The following MAML2 variants were observed in gnomAD, a reference collection of about 807,000 sequenced individuals.
MAML2 encodes the protein mastermind like transcriptional coactivator 2, also known as mastermind-like protein 2.
Under a neutral mutation model 96.1 loss-of-function variants are expected in MAML2, and 22 were observed. That is an observed-to-expected ratio of 0.23 (90% CI 0.16 to 0.33). The LOEUF is 0.33. Among genes scored for constraint, MAML2 ranks in the 10% least tolerant of loss-of-function variants. The pLI is 1.00. For missense variants in MAML2, 1,367 were observed against 1,392.4 expected (o/e 0.98, Z 0.29); for synonymous variants, 561 against 521.3 (o/e 1.08, Z -1.04).
At chr11:95,980,972 C>A (rs1341689935) in intron 4 of MAML2, among the ~76,000 whole-genome samples, 1 of 152,146 alleles carries the variant, frequency 6.6e-6, no homozygotes, top group Non-Finnish European at 1.5e-5. Flanking sequence ...CTGAATAATG[C>A]CCACCTGTGC....
At chr11:96,064,091 G>T (rs1482288283) in intron 2 of MAML2, among the ~76,000 whole-genome samples, 1 of 152,176 alleles carries the variant, frequency 6.6e-6, no homozygotes, top group African/African-American at 2.4e-5. Flanking sequence ...GAAGATACAT[G>T]ATTCAGTGTA....
chr11:96,191,379 G>A (rs1369303892), intron 1 of MAML2, among the ~76,000 whole-genome samples: 2 of 151,776 alleles, frequency 1.3e-5, no homozygotes, highest in East Asian at 1.9e-4. Flanking sequence ...CAGAAGAATC[G>A]CTTGAACTCG....
Position 96,341,969 on chromosome 11 carries a change from G to C in MAML2, c.-74C>G, listed in dbSNP as rs1022224265. The C allele has an allele frequency of 5.7e-5, 80 of 1,402,908 alleles. No individual in the cohort carries two copies. Among genetic ancestry groups the C allele is most frequent in the Non-Finnish European group, 6.8e-5 (72 of 1,066,500 alleles). The allele number at this position is 1,402,908 out of a possible 1,614,324, so 86.9% of individuals were successfully genotyped here. On this transcript the variant is annotated 5_prime_UTR_variant, in exon 1 of 5. Transcript: ENST00000524717. ...GGCTACTGCTGGCTATTGCAGGCAA[G>C]TCTGTTTTTGACAATGTGAGCTCAG...
At chr11:96,120,750 G>A (rs935834585) in intron 1 of MAML2, among the ~76,000 whole-genome samples, 2 of 151,978 alleles carry the variant, frequency 1.3e-5, no homozygotes, top group South Asian at 2.1e-4. Context: ...TTAGAATATC[G>A]GCCAAGTGGG....
intron 2 of MAML2, among the ~76,000 whole-genome samples, chr11:96,004,043 T>A (rs1408958657): frequency 6.6e-6 from 1 of 152,208 alleles, no homozygotes; most frequent in Non-Finnish European, 1.5e-5. Context: ...ATGAGTTGAA[T>A]AAACTGTCAA....
intron 2 of MAML2, among the ~76,000 whole-genome samples, chr11:96,084,109 G>A (rs1414812637): frequency 6.6e-6 from 1 of 152,080 alleles, no homozygotes; most frequent in African/African-American, 2.4e-5. Flanking sequence ...TTATTATGAA[G>A]GTTGCTAAGT....
chr11:96,061,470 T>G (rs1206646823), intron 2 of MAML2, among the ~76,000 whole-genome samples: 6 of 152,156 alleles, frequency 3.9e-5, no homozygotes, highest in Admixed American at 3.9e-4. Flanking sequence ...AATATAAAGG[T>G]GAAAATAAAT....
chr11:96,006,327 G>A (rs190762968), intron 2 of MAML2, among the ~76,000 whole-genome samples: 97 of 152,012 alleles, frequency 6.4e-4, no homozygotes, highest in Non-Finnish European at 1.9e-4. Flanking sequence ...TGATCTGCAG[G>A]GTACCAAAAT....
At chr11:96,340,790 T>C (rs896051139) in intron 1 of MAML2, among the ~76,000 whole-genome samples, 22 of 152,126 alleles carry the variant, frequency 1.4e-4, no homozygotes, top group Non-Finnish European at 2.5e-4. Flanking sequence ...TAAGAAACAG[T>C]GCCTCCCTAG....
At chr11:96,165,324 A>C (rs1861174606) in intron 1 of MAML2, among the ~76,000 whole-genome samples, 1 of 152,226 alleles carries the variant, frequency 6.6e-6, no homozygotes, top group South Asian at 2.1e-4. Flanking sequence ...GCTTTAGGGC[A>C]GAGATCCATA....
chr11:96,169,676 G>C (rs1055353899), intron 1 of MAML2, among the ~76,000 whole-genome samples: 1 of 112,800 alleles, frequency 8.9e-6, no homozygotes, highest in Non-Finnish European at 1.9e-5. Context: ...TTTTTTTTGA[G>C]ATGGAGTCTA....
chr11:96,245,970 TG>T (rs1862507068), intron 1 of MAML2, among the ~76,000 whole-genome samples: 2 of 152,190 alleles, frequency 1.3e-5, no homozygotes, highest in African/African-American at 4.8e-5. Flanking sequence ...CCCAAAGTGC[TG>T]GGATTACAGG....
chr11:96,055,477 A>G (rs1443407121), intron 2 of MAML2, among the ~76,000 whole-genome samples: 1 of 152,224 alleles, frequency 6.6e-6, no homozygotes, highest in Non-Finnish European at 1.5e-5. Context: ...AAATGAATAC[A>G]CAAAGCTTTA....
At chr11:96,114,695 C>G (rs1050851952) in intron 1 of MAML2, among the ~76,000 whole-genome samples, 3 of 152,230 alleles carry the variant, frequency 2.0e-5, no homozygotes, top group Non-Finnish European at 2.9e-5. Flanking sequence ...TGTTGCCGGC[C>G]TCCCTCCTTT....
rs564251043 is a variant in MAML2, at chr11:96,154,692, G to C, written c.514-61175C>G. Among the ~76,000 whole-genome samples, 12 of 152,280 alleles carry C rather than the reference G, an allele frequency of 7.9e-5. No homozygotes were observed. The South Asian group carries it at 1.7e-3, about 21-fold the overall frequency. ...GGCACTGTGAATAAAAAGATGGAAG[G>C]ACCCAGGATATTCACCCAGAGTGCA... On this transcript the variant is annotated intron_variant, in intron 1 of 4. Transcript: ENST00000524717.
At position 96,275,385 on chromosome 11, in the gene MAML2, C is replaced by T. The variant is rs187599843; in HGVS notation, c.513+65998G>A. On this transcript the variant is annotated intron_variant, in intron 1 of 4. Coordinates refer to ENST00000524717, the MANE Select transcript of MAML2 (RefSeq NM_032427.4). ...CTCTGCCTCCTGAGTTCACACCATT[C>T]TTCTGCCTCAGCCTCCCGAGTAGCT... Among the ~76,000 whole-genome samples, 275 of 145,388 alleles carry T rather than the reference C, an allele frequency of 1.9e-3. 1 individual carries two copies. The highest frequency in any genetic ancestry group is 6.8e-3 in the African/African-American group (263 of 38,940).
chr11:96,306,011 C>A (rs1863456498), intron 1 of MAML2, among the ~76,000 whole-genome samples: 1 of 152,108 alleles, frequency 6.6e-6, no homozygotes, highest in East Asian at 1.9e-4. Flanking sequence ...ACATACCTTT[C>A]TTCTTGTTAT....
intron 1 of MAML2, among the ~76,000 whole-genome samples, chr11:96,245,212 CTTCT>C (rs1380432791): frequency 1.5e-5 from 2 of 133,568 alleles, no homozygotes; most frequent in Admixed American, 7.9e-5. Flanking sequence ...AACAGTCATC[CTTCT>C]TTTTTTTTTT....
chr11:96,027,304 G>T (rs927587539), intron 2 of MAML2, among the ~76,000 whole-genome samples: 1 of 152,144 alleles, frequency 6.6e-6, no homozygotes, highest in African/African-American at 2.4e-5. Flanking sequence ...CACATACAAT[G>T]CTGAGAAGTA....
Sources: allele counts gnomAD v4.1 joint callset (sites outside exome capture counted in the v4.1 genomes callset), GRCh38; gene constraint gnomAD v4.1.1; transcripts MANE v1.5; gene names NCBI Gene and HGNC (gene_info 2026-07-23, HGNC 2026-07-21).